Variants in CFAP20 observed in about 807,000 individuals in gnomAD.
CFAP20 encodes the protein cilia and flagella associated protein 20.
Under a neutral mutation model 25.5 loss-of-function variants are expected in CFAP20, and 14 were observed. That is an observed-to-expected ratio of 0.55 (90% CI 0.36 to 0.86). The LOEUF (loss-of-function observed/expected upper bound fraction) is 0.86, where lower values mean the gene tolerates loss of function less well. Ranked by LOEUF, CFAP20 falls within the 40% of genes least tolerant of loss-of-function variation. CFAP20 has a pLI of 0.01. For missense variants in CFAP20, 181 were observed against 248.0 expected, an observed-to-expected ratio of 0.73 and a Z score of 1.81; for synonymous variants, 75 against 91.1, an observed-to-expected ratio of 0.82 and a Z score of 1.01.
In CFAP20 at chr16:58,118,485, T is replaced by C. The variant is rs1033133309; in HGVS notation, c.85-1534A>G. 2.3e-5 allele frequency among the ~76,000 whole-genome samples: 3 copies of C among 130,172 alleles called. No homozygotes were observed. In the Admixed American group the frequency reaches 2.4e-4, roughly 11 times the overall value. 85.4% of individuals were successfully genotyped at this position (130,172 alleles called of 152,430 possible). A position where few individuals can be genotyped will look rare whatever the true frequency, so the allele number is the denominator to read the frequency against. On this transcript the variant is annotated intron_variant, in intron 1 of 5. Transcript: ENST00000262498. The stretch of plus-strand genomic sequence containing the variant: ...AGGAGTAGGTGACAGAGCAAGACCC[T>C]ATCTCAAAAAAAACAAAACAAAAAA...
At chr16:58,118,512 G>GAA (rs199511853) in intron 1 of CFAP20, among the ~76,000 whole-genome samples, 3 of 121,024 alleles carry the variant, frequency 2.5e-5, no homozygotes, top group East Asian at 5.1e-4. Context: ...AACAAAAAAC[G>GAA]AAAAAAAAAA....
chr16:58,123,267 G>A (rs1267910364), intron 1 of CFAP20, among the ~76,000 whole-genome samples: 3 of 146,290 alleles, frequency 2.1e-5, no homozygotes, highest in South Asian at 2.2e-4. Context: ...GATTACAGGC[G>A]TGAGCCACTG....
At chr16:58,128,668 C>A (rs1252014743) in intron 1 of CFAP20, among the ~76,000 whole-genome samples, 1 of 152,190 alleles carries the variant, frequency 6.6e-6, no homozygotes. Context: ...TCGTGCATTT[C>A]ATGCTACGAG....
At chr16:58,119,311 A>G (rs1057356493) in intron 1 of CFAP20, 1 of 152,246 alleles carries the variant, frequency 6.6e-6, no homozygotes, top group Non-Finnish European at 1.5e-5. Context: ...CATCATTTCT[A>G]TCTTCGACAA....
At chr16:58,117,044 A>G in intron 1 of CFAP20, 93 bp from the exon 2 acceptor site, 1 of 1,150,102 alleles carries the variant, frequency 8.7e-7, no homozygotes, top group Non-Finnish European at 1.3e-6. Context: ...GAGGCGTACA[A>G]AGAAATTTGT....
chr16:58,127,281 C>A (rs368376510), intron 1 of CFAP20, among the ~76,000 whole-genome samples: 4 of 152,200 alleles, frequency 2.6e-5, no homozygotes, highest in African/African-American at 9.7e-5. Flanking sequence ...AAAACTGATA[C>A]AAGTTTCGTA....
chr16:58,127,389 C>T (rs1381427586), intron 1 of CFAP20, among the ~76,000 whole-genome samples: 1 of 152,212 alleles, frequency 6.6e-6, no homozygotes, highest in Non-Finnish European at 1.5e-5. Flanking sequence ...AAGTCCCATT[C>T]TCGATTTCAA....
rs192519576 is a variant in CFAP20, at chr16:58,129,267, G to A, written c.-152C>T. 67 of 729,818 alleles carry A rather than the reference G, an allele frequency of 9.2e-5. No individual in the cohort carries two copies. The African/African-American group carries it at 9.7e-4, about 11-fold the overall frequency. The allele number at this position is 729,818 out of a possible 1,614,324, so 45.2% of individuals were successfully genotyped here. On this transcript the variant is annotated 5_prime_UTR_variant, in exon 1 of 6. Coordinates refer to ENST00000262498, the MANE Select transcript of CFAP20 (RefSeq NM_013242.3). ...GGCCTCCGGATCTGCAGCCACTGATGGCCGGACTCGGACGCGGCAACGCTA... is the reference window on the plus strand; with the variant it reads ...GGCCTCCGGATCTGCAGCCACTGATAGCCGGACTCGGACGCGGCAACGCTA...
At chr16:58,119,549 C>CA (rs1380802771) in intron 1 of CFAP20, among the ~76,000 whole-genome samples, 1 of 152,218 alleles carries the variant, frequency 6.6e-6, no homozygotes, top group Non-Finnish European at 1.5e-5. Flanking sequence ...TGCCCATTGT[C>CA]AGAGACAGAA....
intron 1 of CFAP20, 79 bp from the exon 2 acceptor site, chr16:58,117,030 C>T (rs1960466756): frequency 5.3e-6 from 7 of 1,316,530 alleles, no homozygotes; most frequent in East Asian, 2.3e-5. Context: ...CCACGGTAGC[C>T]CAAGAGGCGT....
At chr16:58,115,592 C>A in intron 3 of CFAP20, 135 bp from the exon 4 acceptor site, 3 of 1,052,176 alleles carry the variant, frequency 2.9e-6, no homozygotes, top group Non-Finnish European at 4.2e-6. Context: ...ACAGACCAGA[C>A]ACAGGTCATA....
chr16:58,119,487 AT>A (rs977083828), intron 1 of CFAP20: 9 of 152,266 alleles, frequency 5.9e-5, no homozygotes, highest in African/African-American at 2.2e-4. Context: ...GATCTGGGGC[AT>A]ATCACAAAGC....
intron 2 of CFAP20, chr16:58,116,643 A>G: frequency 1.9e-6 from 1 of 533,876 alleles, no homozygotes; most frequent in Non-Finnish European, 3.3e-6. Flanking sequence ...ATATTCATTT[A>G]TTTACTCCTC....
Position 58,113,994 on chromosome 16 carries a change from C to G in CFAP20, c.*31G>C. The G allele has an allele frequency of 6.2e-7, 1 of 1,608,730 alleles. No homozygotes were observed. Among genetic ancestry groups the G allele is most frequent in the Non-Finnish European group, 8.5e-7 (1 of 1,175,552 alleles). On this transcript the variant is annotated 3_prime_UTR_variant, in exon 6 of 6. Coordinates refer to ENST00000262498, the MANE Select transcript of CFAP20 (RefSeq NM_013242.3). ...TCCTTTTAAAAAGAAGAGTCACATC[C>G]AGGGGTCTATCCCTCGAGTCACAAT...
chr16:58,121,047 A>G (rs1364199570), intron 1 of CFAP20, among the ~76,000 whole-genome samples: 1 of 152,230 alleles, frequency 6.6e-6, no homozygotes, highest in Non-Finnish European at 1.5e-5. Context: ...GGAGGTGGTA[A>G]GGGCGATCAA....
intron 5 of CFAP20, among the ~76,000 whole-genome samples, chr16:58,114,369 A>C (rs1417516319): frequency 6.6e-6 from 1 of 152,074 alleles, no homozygotes; most frequent in African/African-American, 2.4e-5. Flanking sequence ...CTCTATAAAA[A>C]TTAAAAATTA....
At chr16:58,124,885 T>A (rs187621916) in intron 1 of CFAP20, among the ~76,000 whole-genome samples, 2 of 152,364 alleles carry the variant, frequency 1.3e-5, no homozygotes, top group Admixed American at 6.5e-5. Context: ...GTGCTGGGAT[T>A]ACAGGCATGA....
intron 1 of CFAP20, among the ~76,000 whole-genome samples, chr16:58,123,266 C>T (rs1960561218): frequency 6.9e-6 from 1 of 145,322 alleles, no homozygotes; most frequent in African/African-American, 2.5e-5. Flanking sequence ...GGATTACAGG[C>T]GTGAGCCACT....
chr16:58,127,492 C>A (rs1372365833), intron 1 of CFAP20, among the ~76,000 whole-genome samples: 3 of 152,250 alleles, frequency 2.0e-5, no homozygotes, highest in African/African-American at 7.2e-5. Context: ...CAGCCCATAA[C>A]TGAGTCAAGT....
Sources: allele counts gnomAD v4.1 joint callset (sites outside exome capture counted in the v4.1 genomes callset), GRCh38; gene constraint gnomAD v4.1.1; transcripts MANE v1.5; gene names NCBI Gene and HGNC (gene_info 2026-07-23, HGNC 2026-07-21).